Variants in FAAH2 observed in about 807,000 individuals in gnomAD.
The protein encoded by FAAH2 is fatty acid amide hydrolase 2.
FAAH2 carries 60 observed loss-of-function variants against 36.9 expected under a neutral mutation model. That is an observed-to-expected ratio of 1.63 (90% CI 1.32 to 2.02). The LOEUF (loss-of-function observed/expected upper bound fraction) is 2.02. Ranked by LOEUF, FAAH2 falls within the 30% of genes most tolerant of loss-of-function variation. FAAH2 has a pLI of 0.00. For missense variants in FAAH2, 689 were observed against 397.5 expected (o/e 1.73, Z -6.23); for synonymous variants, 214 against 143.8 (o/e 1.49, Z -3.49).
chrX:57,324,906 C>T (rs1274835478), intron 3 of FAAH2, among the ~76,000 whole-genome samples: 3 of 112,130 alleles, frequency 2.7e-5, no homozygotes, highest in East Asian at 5.6e-4. Flanking sequence ...GAGGACATCC[C>T]TGTCTTGTGC....
chrX:57,336,708 GAC>G (rs1236542360), intron 4 of FAAH2, among the ~76,000 whole-genome samples: 4 of 111,689 alleles, frequency 3.6e-5, no homozygotes, highest in African/African-American at 1.3e-4. Context: ...TGAGAACAAA[GAC>G]ACAATATATC....
At chrX:57,355,283 A>T (rs986572530) in intron 5 of FAAH2, among the ~76,000 whole-genome samples, 1 of 111,058 alleles carries the variant, frequency 9.0e-6, no homozygotes, top group African/African-American at 3.3e-5. Context: ...GTAAGATAAC[A>T]GATAAAAATG....
At chrX:57,432,779 G>T (rs982481278) in intron 8 of FAAH2, among the ~76,000 whole-genome samples, 1 of 111,467 alleles carries the variant, frequency 9.0e-6, no homozygotes, top group Non-Finnish European at 1.9e-5. Flanking sequence ...CAAATTTGAA[G>T]TGCAGGCTAC....
rs2055636396 is a variant in FAAH2 at position 57,409,058 on chromosome X, A to T, written c.997-22860A>T. Among the ~76,000 whole-genome samples, 4 of 111,682 alleles carry T rather than the reference A, an allele frequency of 3.6e-5. No individual in the cohort carries two copies. The South Asian group carries it at 1.5e-3, about 41-fold the overall frequency. ...TTCCTAGGATACTAACATATACAGC[A>T]TGTTACTGTACTGAAAATTGTAGGC... On this transcript the variant is annotated intron_variant, in intron 7 of 10. Coordinates refer to ENST00000374900, the MANE Select transcript of FAAH2 (RefSeq NM_174912.4).
chrX:57,251,924 G>A, the FAAH2 span, among the ~76,000 whole-genome samples: 1 of 111,915 alleles, frequency 8.9e-6, no homozygotes, highest in South Asian at 3.8e-4. Flanking sequence ...AGTGCAAGGG[G>A]TCAGGGGATT....
the FAAH2 span, among the ~76,000 whole-genome samples, chrX:57,181,101 A>G: frequency 8.9e-6 from 1 of 111,760 alleles, no homozygotes; most frequent in Non-Finnish European, 1.9e-5. Flanking sequence ...AAAGCTCTCA[A>G]CAAACTAGAT....
intron 7 of FAAH2, among the ~76,000 whole-genome samples, chrX:57,420,289 G>A (rs965907532): frequency 9.2e-4 from 103 of 111,522 alleles, no homozygotes; most frequent in Non-Finnish European, 1.6e-3. Context: ...GGATGGCATC[G>A]AATCTATAAT....
chrX:57,123,774 T>C, the FAAH2 span, among the ~76,000 whole-genome samples: 2 of 112,683 alleles, frequency 1.8e-5, no homozygotes, highest in African/African-American at 6.5e-5. Flanking sequence ...CATTTATTCA[T>C]GTGTCTGTTG....
chrX:57,182,444 C>A, the FAAH2 span, among the ~76,000 whole-genome samples: 1 of 111,737 alleles, frequency 8.9e-6, no homozygotes, highest in Non-Finnish European at 1.9e-5. Context: ...ATGCAGCCAA[C>A]AAGCATATAG....
chrX:57,141,641 C>A, the FAAH2 span, among the ~76,000 whole-genome samples: 1 of 111,532 alleles, frequency 9.0e-6, no homozygotes, highest in Non-Finnish European at 1.9e-5. Context: ...TTTTCTATTT[C>A]TTTATGGTTC....
intron 7 of FAAH2, among the ~76,000 whole-genome samples, chrX:57,413,088 A>C (rs1181891287): frequency 1.8e-5 from 2 of 111,759 alleles, no homozygotes; most frequent in Non-Finnish European, 1.9e-5. Context: ...TTTTCTTGTA[A>C]AGCTGTTTAA....
At chrX:57,420,627 C>T (rs917882138) in intron 7 of FAAH2, among the ~76,000 whole-genome samples, 1 of 109,428 alleles carries the variant, frequency 9.1e-6, no homozygotes. Context: ...TGGGCTGAGA[C>T]AATGTGGTTT....
chrX:57,307,730 C>G (rs1351199736), intron 2 of FAAH2, among the ~76,000 whole-genome samples: 4 of 110,077 alleles, frequency 3.6e-5, no homozygotes, highest in African/African-American at 6.6e-5. Context: ...GCAAATGATC[C>G]CATCACCCAG....
At chrX:57,191,307 A>G in the FAAH2 span, among the ~76,000 whole-genome samples, 2 of 112,017 alleles carry the variant, frequency 1.8e-5, no homozygotes, top group Non-Finnish European at 3.8e-5. Flanking sequence ...ATGTCTATTC[A>G]AATATTTTGC....
At chrX:57,431,779 GT>G (rs368910432) in intron 7 of FAAH2, 138 bp from the exon 8 acceptor site, 1 of 83,469 alleles carries the variant, frequency 1.2e-5, no homozygotes, top group African/African-American at 7.1e-5. Context: ...TTGTTTTTTT[GT>G]TTTTTTGTTT....
chrX:57,196,458 C>T, the FAAH2 span, among the ~76,000 whole-genome samples: 1 of 111,378 alleles, frequency 9.0e-6, no homozygotes, highest in Non-Finnish European at 1.9e-5. Flanking sequence ...TAGGATCTTT[C>T]TGGATGAGTC....
In FAAH2 at chrX:57,341,313, G is replaced by T. The variant is rs771442773; in HGVS notation, c.665G>T (p.Gly222Val). ...CTLAAACSVIGVGSDIGGSIR... is the reference protein window; with the variant it reads ...CTLAAACSVIVVGSDIGGSIR... ...CTGGCAGCTGCCTGCTCAGTTATTG[G>T]TGTGGGCTCTGATATTGGTGGTAGC... is the stretch of plus-strand genomic sequence containing the variant. Residue 222 changes from glycine (G) to valine (V), a missense_variant, in exon 5 of 11, where the codon GGT becomes GTT. Coordinates refer to ENST00000374900, the MANE Select transcript of FAAH2 (RefSeq NM_174912.4). The T allele has an allele frequency of 1.7e-6, 2 of 1,210,359 alleles. No homozygotes were observed. Among genetic ancestry groups the T allele is most frequent in the Non-Finnish European group, 1.1e-6 (1 of 894,619 alleles).
chrX:57,470,817 C>G (rs1367303911), intron 10 of FAAH2, among the ~76,000 whole-genome samples: 1 of 111,382 alleles, frequency 9.0e-6, no homozygotes, highest in East Asian at 2.8e-4. Context: ...GACCAATATC[C>G]CTGATGAACA....
At chrX:57,393,399 T>C (rs1346348570) in intron 7 of FAAH2, 8 of 746,771 alleles carry the variant, frequency 1.1e-5, no homozygotes, top group East Asian at 6.3e-5. Flanking sequence ...TGGGATTTGA[T>C]GTTAAGAAAC....
Sources: allele counts gnomAD v4.1 joint callset (sites outside exome capture counted in the v4.1 genomes callset), GRCh38; gene constraint gnomAD v4.1.1; transcripts MANE v1.5; gene names NCBI Gene and HGNC (gene_info 2026-07-23, HGNC 2026-07-21).